Variants in TAFA1 observed in about 807,000 individuals in gnomAD.
The protein encoded by TAFA1 is TAFA chemokine like family member 1, also known as chemokine-like protein TAFA-1.
Under a neutral mutation model 18.5 loss-of-function variants are expected in TAFA1, and 4 were observed. The observed-to-expected ratio is 0.22, with a 90% CI of 0.11 to 0.49. The LOEUF is 0.49. Among genes scored for constraint, TAFA1 ranks in the 20% least tolerant of loss-of-function variants. The pLI is 0.98. For missense variants in TAFA1, 147 were observed against 169.0 expected, an observed-to-expected ratio of 0.87 and a Z score of 0.72; for synonymous variants, 56 against 55.2, an observed-to-expected ratio of 1.01 and a Z score of -0.06.
chr3:67,998,011 T>G, the TAFA1 span, among the ~76,000 whole-genome samples: 7 of 151,206 alleles, frequency 4.6e-5, no homozygotes, highest in Non-Finnish European at 7.4e-5. Flanking sequence ...AAAAATACAA[T>G]GAAAAATCAT....
intron 3 of TAFA1, among the ~76,000 whole-genome samples, chr3:68,488,290 C>A (rs1575915402): frequency 6.6e-6 from 1 of 152,086 alleles, no homozygotes; most frequent in East Asian, 1.9e-4. Flanking sequence ...AAGACGTAGG[C>A]CAGAAAATTA....
intron 2 of TAFA1, among the ~76,000 whole-genome samples, chr3:68,084,772 T>C (rs1321937803): frequency 6.7e-6 from 1 of 148,412 alleles, no homozygotes; most frequent in South Asian, 2.1e-4. Flanking sequence ...CACTCCAGCC[T>C]GGGAGACAGA....
At chr3:68,539,862 C>T (rs2073344653) in intron 4 of TAFA1, among the ~76,000 whole-genome samples, 1 of 152,026 alleles carries the variant, frequency 6.6e-6, no homozygotes, top group Admixed American at 6.6e-5. Context: ...TAGCCTCAAG[C>T]TATCTTCCTG....
At position 68,516,989 on chromosome 3, in the gene TAFA1, G is replaced by A. The variant is rs147938333; in HGVS notation, c.260-21767G>A. Among the ~76,000 whole-genome samples, 492 of 152,230 alleles carry A rather than the reference G, an allele frequency of 3.2e-3. 4 individuals carry two copies. The highest frequency in any genetic ancestry group is 0.017 in the Middle Eastern group (5 of 294). ...GGGCTTCACCACGCTGGCCAGACTG[G>A]TCTCAAACTCCTGACCTCAAGTGAT... On this transcript the variant is annotated intron_variant, in intron 3 of 4. Transcript: ENST00000478136.
intron 2 of TAFA1, among the ~76,000 whole-genome samples, chr3:68,066,828 T>C (rs2064684312): frequency 2.0e-5 from 3 of 152,066 alleles, no homozygotes; most frequent in Non-Finnish European, 2.9e-5. Context: ...GAGAGGAAGA[T>C]ATACAAAATA....
At chr3:68,060,325 G>T (rs2064587067) in intron 2 of TAFA1, among the ~76,000 whole-genome samples, 1 of 151,948 alleles carries the variant, frequency 6.6e-6, no homozygotes, top group African/African-American at 2.4e-5. Context: ...TTCTCCTGTG[G>T]CACCACCTCC....
At chr3:68,412,838 C>T (rs1024660023) in intron 2 of TAFA1, among the ~76,000 whole-genome samples, 6 of 152,054 alleles carry the variant, frequency 3.9e-5, no homozygotes, top group East Asian at 3.8e-4. Flanking sequence ...AATAAACATA[C>T]GTGTGCATGT....
intron 3 of TAFA1, among the ~76,000 whole-genome samples, chr3:68,523,068 C>T (rs534846776): frequency 1.1e-5 from 1 of 93,612 alleles, no homozygotes; most frequent in African/African-American, 4.2e-5. Flanking sequence ...AAGAGCGAGA[C>T]TCCGTCTCAA....
intron 2 of TAFA1, among the ~76,000 whole-genome samples, chr3:68,267,885 C>G (rs2067579459): frequency 6.6e-6 from 1 of 152,116 alleles, no homozygotes; most frequent in Non-Finnish European, 1.5e-5. Flanking sequence ...CGATAAATCT[C>G]TGCTAGACAA....
chr3:68,005,174 T>G (rs1176959126), intron 1 of TAFA1, among the ~76,000 whole-genome samples: 1 of 152,204 alleles, frequency 6.6e-6, no homozygotes, highest in African/African-American at 2.4e-5. Flanking sequence ...TCATTTTAGG[T>G]TTCACAGGAG....
At chr3:68,399,911 C>T (rs1020183641) in intron 2 of TAFA1, among the ~76,000 whole-genome samples, 9 of 152,112 alleles carry the variant, frequency 5.9e-5, no homozygotes, top group Non-Finnish European at 8.8e-5. Flanking sequence ...TCATCTATAC[C>T]GCCTCTCTGC....
chr3:68,101,283 A>G (rs2065144609), intron 2 of TAFA1, among the ~76,000 whole-genome samples: 2 of 149,986 alleles, frequency 1.3e-5, no homozygotes. Flanking sequence ...TTTTATTTTT[A>G]TTTTATATTA....
intron 2 of TAFA1, among the ~76,000 whole-genome samples, chr3:68,332,106 G>T (rs190735735): frequency 1.3e-5 from 2 of 151,376 alleles, no homozygotes; most frequent in Non-Finnish European, 2.9e-5. Flanking sequence ...CTCGTGATCC[G>T]CCCGCCTCGG....
At chr3:68,327,568 A>C (rs1241934410) in intron 2 of TAFA1, among the ~76,000 whole-genome samples, 1 of 152,166 alleles carries the variant, frequency 6.6e-6, no homozygotes, top group Non-Finnish European at 1.5e-5. Flanking sequence ...TTCTTTTATC[A>C]GTAAAATTGA....
chr3:68,497,108 T>A (rs35886765), intron 3 of TAFA1, among the ~76,000 whole-genome samples: 1,696 of 152,300 alleles, frequency 0.011, 24 homozygotes, highest in Middle Eastern at 0.027. Flanking sequence ...GACATGATTA[T>A]AATACCACCT....
chr3:68,018,202 G>C (rs1371019053), intron 2 of TAFA1, among the ~76,000 whole-genome samples: 2 of 152,156 alleles, frequency 1.3e-5, no homozygotes, highest in African/African-American at 4.8e-5. Context: ...ATCACAGATG[G>C]AGATGGATGG....
intron 3 of TAFA1, among the ~76,000 whole-genome samples, chr3:68,538,327 C>T (rs2073309784): frequency 1.3e-5 from 2 of 152,112 alleles, no homozygotes; most frequent in Non-Finnish European, 2.9e-5. Flanking sequence ...ACTTTGTGGC[C>T]TTTCATTAGT....
chr3:68,345,901 A>G (rs920624358), intron 2 of TAFA1, among the ~76,000 whole-genome samples: 1 of 152,182 alleles, frequency 6.6e-6, no homozygotes. Flanking sequence ...AGAGATAAAG[A>G]TAGAAAAGAT....
At chr3:68,448,008 A>G (rs1160656205) in intron 3 of TAFA1, among the ~76,000 whole-genome samples, 3 of 152,210 alleles carry the variant, frequency 2.0e-5, no homozygotes, top group Non-Finnish European at 4.4e-5. Context: ...CACATTCAGT[A>G]TTATTAAGTG....
Sources: allele counts gnomAD v4.1 joint callset (sites outside exome capture counted in the v4.1 genomes callset), GRCh38; gene constraint gnomAD v4.1.1; transcripts MANE v1.5; gene names NCBI Gene and HGNC (gene_info 2026-07-23, HGNC 2026-07-21).